ALX4: variants seen among roughly 807,000 people sequenced by gnomAD.
ALX4 encodes ALX homeobox 4, also known as homeobox protein aristaless-like 4.
Under a neutral mutation model 40.6 loss-of-function variants are expected in ALX4, and 22 were observed. That is an observed-to-expected ratio of 0.54 (90% CI 0.39 to 0.77). The LOEUF is 0.77. Among genes scored for constraint, ALX4 ranks in the 30% least tolerant of loss-of-function variants. The pLI is 0.00. For missense variants in ALX4, 556 were observed against 564.8 expected (o/e 0.98, Z 0.16); for synonymous variants, 266 against 240.5 (o/e 1.11, Z -0.98).
chr11:44,266,858 G>A (rs1590686309), intron 3 of ALX4, among the ~76,000 whole-genome samples: 2 of 152,196 alleles, frequency 1.3e-5, no homozygotes, highest in East Asian at 3.8e-4. Flanking sequence ...GGGGGGAGGG[G>A]AGGACAGGGC....
At chr11:44,276,943 T>C (rs1389168775) in intron 1 of ALX4, among the ~76,000 whole-genome samples, 2 of 152,090 alleles carry the variant, frequency 1.3e-5, no homozygotes, top group Admixed American at 1.3e-4. Context: ...TAACAGGCCA[T>C]GGATCGGTAC....
At chr11:44,277,631 C>T (rs1956285383) in intron 1 of ALX4, among the ~76,000 whole-genome samples, 1 of 152,218 alleles carries the variant, frequency 6.6e-6, no homozygotes, top group Non-Finnish European at 1.5e-5. Context: ...TGACTCCATC[C>T]AGATCCTGAG....
At position 44,275,519 on chromosome 11, in the gene ALX4, C is replaced by T; in HGVS notation, c.606G>A (p.Leu202=). Residue 202 remains leucine, a synonymous_variant, in exon 2 of 4, where the codon TTG becomes TTA. Coordinates refer to ENST00000652299, the MANE Select transcript of ALX4 (RefSeq NM_021926.4). The part of the protein sequence containing the change: ...DRASSDLPSP[L]EKADSESNKG... Reference sequence around the variant, plus strand: ...TGTTGCTCTCTGAGTCGGCCTTCTCCAATGGGCTGGGGAGGTCTGAGCTGG... The same window carrying T: ...TGTTGCTCTCTGAGTCGGCCTTCTCTAATGGGCTGGGGAGGTCTGAGCTGG... The T allele has an allele frequency of 6.2e-7, 1 of 1,614,208 alleles. No individual in the cohort carries two copies. The highest frequency in any genetic ancestry group is 8.5e-7 in the Non-Finnish European group (1 of 1,180,030).
intron 1 of ALX4, among the ~76,000 whole-genome samples, chr11:44,283,522 T>C (rs1956321710): frequency 6.6e-6 from 1 of 152,228 alleles, no homozygotes; most frequent in South Asian, 2.1e-4. Context: ...TAAAGGATGA[T>C]ATTTCCATAA....
At chr11:44,274,894 C>T (rs1391408031) in intron 2 of ALX4, among the ~76,000 whole-genome samples, 2 of 152,168 alleles carry the variant, frequency 1.3e-5, no homozygotes, top group Non-Finnish European at 2.9e-5. Context: ...GCCATCTAGG[C>T]AGAAGGAAGA....
chr11:44,295,459 G>A (rs1956397617), intron 1 of ALX4, among the ~76,000 whole-genome samples: 1 of 152,248 alleles, frequency 6.6e-6, no homozygotes, highest in African/African-American at 2.4e-5. Flanking sequence ...GCTCAAGCAG[G>A]CCTCTGTTTA....
chr11:44,271,781 G>A (rs139709486), intron 2 of ALX4, among the ~76,000 whole-genome samples: 17 of 152,210 alleles, frequency 1.1e-4, no homozygotes, highest in South Asian at 8.3e-4. Flanking sequence ...TGCTCTGTGC[G>A]CCTTTGTTTT....
In ALX4 at chr11:44,309,859, A is replaced by G; in HGVS notation, c.204T>C (p.Ala68=). 1 of 1,563,078 alleles carries G rather than the reference A, an allele frequency of 6.4e-7. No individual in the cohort carries two copies. Among genetic ancestry groups the G allele is most frequent in the Non-Finnish European group, 8.7e-7 (1 of 1,153,086 alleles). Residue 68 remains alanine (A), a synonymous_variant, in exon 1 of 4, where the codon GCT becomes GCC. Transcript: ENST00000652299. ...GGGGTGTCGCCAGGTCCTGCTGCCC[A>G]GCGCCGTAACGGGCCCGGCTCTTGG... ...GDAKSRARYG[A]GQQDLATPLE...
chr11:44,272,766 A>G (rs2135311709), intron 2 of ALX4, among the ~76,000 whole-genome samples: 1 of 152,272 alleles, frequency 6.6e-6, no homozygotes, highest in East Asian at 1.9e-4. Flanking sequence ...CCAAGATCAC[A>G]CCACTGCACT....
chr11:44,265,240 GCTCGCCCCTTCCCC>G, intron 3 of ALX4, 57 bp from the exon 4 acceptor site: 1 of 1,474,126 alleles, frequency 6.8e-7, no homozygotes, highest in Non-Finnish European at 9.1e-7. Flanking sequence ...TGTGGAAGGG[GCTCGCCCCTTCCCC>G]CAGAGCACCT....
intron 1 of ALX4, among the ~76,000 whole-genome samples, chr11:44,294,133 A>G (rs1170139427): frequency 6.6e-6 from 1 of 152,244 alleles, no homozygotes; most frequent in Non-Finnish European, 1.5e-5. Flanking sequence ...CTTTGGCTTC[A>G]GGAGATCTGG....
intron 1 of ALX4, among the ~76,000 whole-genome samples, chr11:44,305,944 G>T (rs957452326): frequency 6.6e-6 from 1 of 152,240 alleles, no homozygotes; most frequent in Non-Finnish European, 1.5e-5. Context: ...CAGCTCCGGC[G>T]GTCGGATCCG....
chr11:44,301,459 T>A (rs186316182), intron 1 of ALX4, among the ~76,000 whole-genome samples: 156 of 152,298 alleles, frequency 1.0e-3, no homozygotes, highest in Middle Eastern at 3.4e-3. Context: ...AGTCCCAGCC[T>A]GGTGGGGCTG....
intron 1 of ALX4, among the ~76,000 whole-genome samples, chr11:44,277,268 T>G (rs919210721): frequency 2.6e-5 from 4 of 152,168 alleles, no homozygotes; most frequent in Non-Finnish European, 4.4e-5. Context: ...CCTGGAGAAG[T>G]CCTCCAAGCA....
chr11:44,295,757 A>C (rs1032738794), intron 1 of ALX4, among the ~76,000 whole-genome samples: 2 of 152,240 alleles, frequency 1.3e-5, no homozygotes, highest in Non-Finnish European at 2.9e-5. Context: ...ATCTTAATAA[A>C]GGAAGTGGTC....
At chr11:44,298,307 GAATCAT>G (rs1956415253) in intron 1 of ALX4, among the ~76,000 whole-genome samples, 1 of 152,182 alleles carries the variant, frequency 6.6e-6, no homozygotes, top group Non-Finnish European at 1.5e-5. Context: ...CGGGTGGACG[GAATCAT>G]GGGTGTGCTG....
chr11:44,275,499 C>G lies in ALX4; in HGVS notation c.626G>C (p.Ser209Thr), dbSNP rs1484817238. The change falls in exon 2 of 4, where the codon AGC (serine) becomes ACC (threonine). Residue 209 changes from serine to threonine, a missense_variant. Physicochemically the swap from Ser to Thr is moderately conservative, Grantham distance 58. Transcript: ENST00000652299. ...GTTCCGCCGCTTCTTGCCCTTGTTG[C>G]TCTCTGAGTCGGCCTTCTCCAATGG... The part of the protein sequence containing the change: ...PSPLEKADSE[S>T]NKGKKRRNRT... 6.2e-7 allele frequency: 1 copy of G among 1,613,954 alleles called. No homozygotes were observed. The highest frequency in any genetic ancestry group is 8.5e-7 in the Non-Finnish European group (1 of 1,179,914).
chr11:44,287,647 A>G (rs913076274), intron 1 of ALX4, among the ~76,000 whole-genome samples: 2 of 151,806 alleles, frequency 1.3e-5, no homozygotes, highest in Non-Finnish European at 2.9e-5. Context: ...TAAGAGGCAG[A>G]GCTGAGACTT....
chr11:44,275,529 G>A lies in ALX4; in HGVS notation c.596C>T (p.Pro199Leu), dbSNP rs758249273. ...GPQDRASSDL[P>L]SPLEKADSES... ...TGAGTCGGCCTTCTCCAATGGGCTG[G>A]GGAGGTCTGAGCTGGCCCGGTCCTG... is the stretch of plus-strand genomic sequence containing the variant. The change falls in exon 2 of 4, where the codon CCC becomes CTC. Residue 199 changes from proline (P) to leucine (L), a missense_variant. Coordinates refer to ENST00000652299, the MANE Select transcript of ALX4 (RefSeq NM_021926.4). The A allele has an allele frequency of 5.0e-6, 8 of 1,614,062 alleles. No individual in the cohort carries two copies. In the African/African-American group the frequency reaches 5.3e-5, roughly 11 times the overall value.
Sources: gnomAD v4.1 joint callset for allele counts (sites outside exome capture counted in the v4.1 genomes callset) on GRCh38, gnomAD v4.1.1 for gene constraint, MANE v1.5 for transcripts, NCBI Gene and HGNC (gene_info 2026-07-23, HGNC 2026-07-21) for gene names.